The following SLC14A2 variants were observed in gnomAD, a reference collection of about 807,000 sequenced individuals.
The protein encoded by SLC14A2 is solute carrier family 14 member 2.
In SLC14A2, 91 loss-of-function variants were observed where a neutral mutation model predicts 104.6. That is an observed-to-expected ratio of 0.87 (90% CI 0.73 to 1.04). The LOEUF is 1.04. Among genes scored for constraint, SLC14A2 ranks in the 50% least tolerant of loss-of-function variants. The probability of loss-of-function intolerance (pLI) is 0.00; values close to 1 mark genes in which losing one functional copy is unlikely to be tolerated. For missense variants in SLC14A2, 1,189 were observed against 1,156.0 expected (o/e 1.03, Z -0.41); for synonymous variants, 476 against 466.4 (o/e 1.02, Z -0.27).
At chr18:45,247,893 G>C (rs58334889) in intron 1 of SLC14A2, among the ~76,000 whole-genome samples, 5,058 of 152,190 alleles carry the variant, frequency 0.033, 295 homozygotes, top group African/African-American at 0.12. Flanking sequence ...ATTGATGAGA[G>C]AGGAAGGTGG....
chr18:45,296,757 G>T (rs2084921361), intron 1 of SLC14A2, among the ~76,000 whole-genome samples: 1 of 152,120 alleles, frequency 6.6e-6, no homozygotes, highest in South Asian at 2.1e-4. Flanking sequence ...CAGTAGTCTC[G>T]ACTTCCCCAG....
At chr18:45,557,633 T>G (rs1050940213) in intron 2 of SLC14A2, among the ~76,000 whole-genome samples, 1 of 152,150 alleles carries the variant, frequency 6.6e-6, no homozygotes, top group African/African-American at 2.4e-5. Flanking sequence ...CATGAGAAGT[T>G]TTTCCCTTCC....
At chr18:45,375,108 G>C (rs897215614) in intron 1 of SLC14A2, among the ~76,000 whole-genome samples, 1 of 152,146 alleles carries the variant, frequency 6.6e-6, no homozygotes, top group Admixed American at 6.5e-5. Context: ...GTTGCTTCCT[G>C]GCTGTAGACT....
At chr18:45,484,202 T>G (rs1330465916) in intron 2 of SLC14A2, among the ~76,000 whole-genome samples, 1 of 152,150 alleles carries the variant, frequency 6.6e-6, no homozygotes, top group African/African-American at 2.4e-5. Flanking sequence ...CTAGCTGGGT[T>G]GATTGGGAAG....
chr18:45,335,217 T>G (rs1445414286), intron 1 of SLC14A2, among the ~76,000 whole-genome samples: 1 of 152,174 alleles, frequency 6.6e-6, no homozygotes, highest in Non-Finnish European at 1.5e-5. Flanking sequence ...TCTGATCAGC[T>G]TTTTGTCACA....
intron 1 of SLC14A2, among the ~76,000 whole-genome samples, chr18:45,264,915 C>T (rs554843990): frequency 2.0e-5 from 3 of 152,150 alleles, no homozygotes; most frequent in African/African-American, 7.2e-5. Flanking sequence ...TCTGTGCTGG[C>T]CATATCTCTC....
At position 45,398,642 on chromosome 18, in the gene SLC14A2, C is replaced by T. The variant is rs146405205; in HGVS notation, c.-124-84591C>T. On this transcript the variant is annotated intron_variant, in intron 1 of 20. Coordinates refer to the SLC14A2 transcript ENST00000586448. ...CAATAAGGAATGAAACTCTGACACGCGCTGCAACCTGGATTAACCTTGAGG... is the reference window on the plus strand; with the variant it reads ...CAATAAGGAATGAAACTCTGACACGTGCTGCAACCTGGATTAACCTTGAGG... 1.5e-3 allele frequency among the ~76,000 whole-genome samples: 233 copies of T among 152,152 alleles called. 1 individual carries two copies. Among genetic ancestry groups the T allele is most frequent in the South Asian group, 3.5e-3 (17 of 4,804 alleles).
At chr18:45,283,006 TAA>T (rs1455029145) in intron 1 of SLC14A2, among the ~76,000 whole-genome samples, 1 of 152,234 alleles carries the variant, frequency 6.6e-6, no homozygotes, top group African/African-American at 2.4e-5. Context: ...CCGGCCCGGT[TAA>T]AGACACATGA....
intron 1 of SLC14A2, among the ~76,000 whole-genome samples, chr18:45,341,595 C>CTTTT (rs376534367): frequency 2.4e-5 from 2 of 83,162 alleles, no homozygotes; most frequent in African/African-American, 5.5e-5. Flanking sequence ...TCTAGTATTA[C>CTTTT]TTTTTTTTTT....
At chr18:45,622,593 C>G (rs1426036749) in intron 1 of SLC14A2, among the ~76,000 whole-genome samples, 1 of 152,082 alleles carries the variant, frequency 6.6e-6, no homozygotes, top group Non-Finnish European at 1.5e-5. Flanking sequence ...GTAGGAGCAC[C>G]AGGGCTGAGA....
chr18:45,172,239 T>C, the SLC14A2 span, among the ~76,000 whole-genome samples: 1 of 152,118 alleles, frequency 6.6e-6, no homozygotes, highest in African/African-American at 2.4e-5. Flanking sequence ...CATTCAACCA[T>C]CATCAAAACA....
chr18:45,204,134 A>G, the SLC14A2 span, among the ~76,000 whole-genome samples: 1 of 152,230 alleles, frequency 6.6e-6, no homozygotes, highest in Non-Finnish European at 1.5e-5. Flanking sequence ...TTGCATAATT[A>G]CTTGCACATT....
intron 1 of SLC14A2, among the ~76,000 whole-genome samples, chr18:45,226,054 A>C (rs1403239079): frequency 2.0e-5 from 3 of 152,200 alleles, no homozygotes; most frequent in East Asian, 1.9e-4. Flanking sequence ...ATGCAGCCAA[A>C]AGACACATGA....
At chr18:45,508,734 G>A (rs1330123959) in intron 2 of SLC14A2, among the ~76,000 whole-genome samples, 1 of 152,118 alleles carries the variant, frequency 6.6e-6, no homozygotes, top group Non-Finnish European at 1.5e-5. Flanking sequence ...ATTCTGATGG[G>A]CCACTGGAAG....
Position 45,683,501 on chromosome 18 carries a change from C to G in SLC14A2, c.*982C>G, listed in dbSNP as rs942967783. 1.3e-5 allele frequency: 2 copies of G among 152,170 alleles called. No homozygotes were observed. Among genetic ancestry groups the G allele is most frequent in the African/African-American group, 2.4e-5 (1 of 41,428 alleles). The allele number at this position is 152,170 out of a possible 1,614,324, so 9.4% of individuals were successfully genotyped here. On this transcript the variant is annotated 3_prime_UTR_variant, in exon 20 of 20. Transcript: ENST00000255226. ...TTCTTGAGTCATAGGAAAATGCTCT[C>G]CAGACGTGGGGTTAGGAACCTAAAT...
At chr18:45,218,017 T>C (rs2084025917) in intron 1 of SLC14A2, among the ~76,000 whole-genome samples, 1 of 152,194 alleles carries the variant, frequency 6.6e-6, no homozygotes, top group African/African-American at 2.4e-5. Context: ...TTTATTGTAG[T>C]AAAACATAAA....
intron 1 of SLC14A2, among the ~76,000 whole-genome samples, chr18:45,622,393 T>C (rs2045186274): frequency 6.6e-6 from 1 of 152,122 alleles, no homozygotes; most frequent in South Asian, 2.1e-4. Flanking sequence ...TGAGGGAGGA[T>C]AGGATTTGGG....
At chr18:45,625,551 TG>T in intron 2 of SLC14A2, 131 bp from the exon 3 acceptor site, 1 of 624,924 alleles carries the variant, frequency 1.6e-6, no homozygotes, top group Non-Finnish European at 2.6e-6. Context: ...CCGCAGACAA[TG>T]GGCATGTGTT....
At chr18:45,385,321 A>G (rs1190644660) in intron 1 of SLC14A2, among the ~76,000 whole-genome samples, 4 of 152,226 alleles carry the variant, frequency 2.6e-5, no homozygotes, top group Non-Finnish European at 4.4e-5. Flanking sequence ...ACCCCACACT[A>G]AGGGAGTTGG....
Sources: gnomAD v4.1 joint callset for allele counts (sites outside exome capture counted in the v4.1 genomes callset) on GRCh38, gnomAD v4.1.1 for gene constraint, MANE v1.5 for transcripts, NCBI Gene and HGNC (gene_info 2026-07-23, HGNC 2026-07-21) for gene names.